GPC5: variants seen among roughly 807,000 people sequenced by gnomAD.
The protein encoded by GPC5 is glypican-5.
A neutral mutation model predicts 53.9 loss-of-function variants in GPC5; 47 were observed. The observed-to-expected ratio is 0.87, with a 90% CI of 0.69 to 1.11. The LOEUF (loss-of-function observed/expected upper bound fraction) is 1.11, where lower values mean the gene tolerates loss of function less well. Among genes scored for constraint, GPC5 ranks in the 50% most tolerant of loss-of-function variants. The probability of loss-of-function intolerance (pLI) is 0.00; values close to 1 mark genes in which losing one functional copy is unlikely to be tolerated. For synonymous variants in GPC5, 286 were observed against 263.3 expected, an observed-to-expected ratio of 1.09 and a Z score of -0.84; for missense variants, 748 against 713.1, an observed-to-expected ratio of 1.05 and a Z score of -0.56.
chr13:92,414,129 G>A (rs1876175126), intron 7 of GPC5, among the ~76,000 whole-genome samples: 1 of 152,146 alleles, frequency 6.6e-6, no homozygotes, highest in South Asian at 2.1e-4. Flanking sequence ...CAGTAATACA[G>A]ACCATCATGG....
intron 7 of GPC5, among the ~76,000 whole-genome samples, chr13:92,384,899 A>G (rs2043779634): frequency 6.6e-6 from 1 of 152,114 alleles, no homozygotes; most frequent in African/African-American, 2.4e-5. Flanking sequence ...GTGATGCCAG[A>G]ATTCTCTTAC....
chr13:91,836,104 G>T (rs1456047088), intron 5 of GPC5, among the ~76,000 whole-genome samples: 1 of 151,846 alleles, frequency 6.6e-6, no homozygotes, highest in African/African-American at 2.4e-5. Flanking sequence ...TAAGCACTAA[G>T]AAGAAATTTA....
intron 3 of GPC5, among the ~76,000 whole-genome samples, chr13:91,712,402 G>GTA (rs558385624): frequency 0.017 from 2,572 of 151,278 alleles, 59 homozygotes; most frequent in African/African-American, 0.059. Context: ...GTGTGTGTGT[G>GTA]TATATATATA....
intron 7 of GPC5, among the ~76,000 whole-genome samples, chr13:92,303,843 T>C (rs995966366): frequency 3.3e-5 from 5 of 152,242 alleles, no homozygotes; most frequent in Admixed American, 6.5e-5. Flanking sequence ...GGCTGGGTCC[T>C]GGGACCAGAA....
At position 92,257,413 on chromosome 13, in the gene GPC5, TTAA is replaced by T. The variant is rs537164636; in HGVS notation, c.1561+112426_1561+112428del. 1.3e-3 allele frequency among the ~76,000 whole-genome samples: 198 copies of T among 152,234 alleles called. 2 individuals are homozygous for T. Among genetic ancestry groups the T allele is most frequent in the African/African-American group, 4.6e-3 (192 of 41,536 alleles). On this transcript the variant is annotated intron_variant, in intron 7 of 7. Transcript: ENST00000377067. ...AAAATTTTGTTTAGAGATATTGTGA[TTAA>T]TGTTTTTACTTATATCTTAATTCAT...
Position 91,719,129 on chromosome 13 carries a change from G to A in GPC5, c.1021-9403G>A, listed in dbSNP as rs564284008. On this transcript the variant is annotated intron_variant, in intron 3 of 7. Coordinates refer to ENST00000377067, the MANE Select transcript of GPC5 (RefSeq NM_004466.6). ...TCACAGCTGCATGTGAATCAAGTAT[G>A]TCTATTTTGCAAATGTCAAAGGATG... Among the ~76,000 whole-genome samples the A allele has an allele frequency of 3.9e-5, 6 of 152,210 alleles. No homozygotes were observed. The South Asian group carries it at 8.3e-4, about 21-fold the overall frequency.
chr13:92,336,961 C>T (rs1028062419), intron 7 of GPC5, among the ~76,000 whole-genome samples: 9 of 152,022 alleles, frequency 5.9e-5, no homozygotes, highest in Non-Finnish European at 1.3e-4. Context: ...ATAAAACCAA[C>T]GGATCTCATG....
chr13:92,340,956 A>C (rs905146551), intron 7 of GPC5, among the ~76,000 whole-genome samples: 39 of 152,184 alleles, frequency 2.6e-4, no homozygotes, highest in African/African-American at 8.9e-4. Flanking sequence ...CCACTAAAGC[A>C]GCAAAGGAGT....
At chr13:92,789,756 A>G (rs889882803) in intron 7 of GPC5, among the ~76,000 whole-genome samples, 35 of 152,158 alleles carry the variant, frequency 2.3e-4, no homozygotes, top group African/African-American at 8.0e-4. Flanking sequence ...CTAGAGGCAC[A>G]GAACTAATAG....
intron 7 of GPC5, among the ~76,000 whole-genome samples, chr13:92,150,421 G>A (rs1288482733): frequency 6.6e-6 from 1 of 151,862 alleles, no homozygotes; most frequent in Non-Finnish European, 1.5e-5. Context: ...ATATGTCTAA[G>A]ATAAACATAG....
At chr13:92,423,168 T>G (rs1876658717) in intron 7 of GPC5, among the ~76,000 whole-genome samples, 1 of 152,168 alleles carries the variant, frequency 6.6e-6, no homozygotes, top group African/African-American at 2.4e-5. Flanking sequence ...ATAAGGGGTG[T>G]GCTTCATGAT....
intron 7 of GPC5, among the ~76,000 whole-genome samples, chr13:92,630,828 A>AAGGACTGACATATCTTATATATATAT (rs1350385254): frequency 7.2e-5 from 11 of 152,108 alleles, no homozygotes; most frequent in African/African-American, 2.4e-4. Context: ...GTCCTTATAT[A>AAGGACTGACATATCTTATATATATAT]CTTATCCATC....
rs547772695 is a variant in GPC5, at chr13:92,057,096, A to G, written c.1402-87734A>G. On this transcript the variant is annotated intron_variant, in intron 6 of 7. Transcript: ENST00000377067. ...GGCTTTATGACTGGCTTTTTCAAAT[A>G]AAATGGAGTGCAATAGAAATGATGC... Among the ~76,000 whole-genome samples, 3 of 152,278 alleles carry G rather than the reference A, an allele frequency of 2.0e-5. No individual in the cohort carries two copies. The South Asian group carries it at 6.2e-4, about 32-fold the overall frequency.
intron 5 of GPC5, among the ~76,000 whole-genome samples, chr13:91,772,464 G>T (rs1317860859): frequency 6.6e-6 from 1 of 151,972 alleles, no homozygotes; most frequent in East Asian, 1.9e-4. Flanking sequence ...ATACATTTGG[G>T]CTCATTTTGA....
chr13:92,191,524 C>T (rs956710945), intron 7 of GPC5, among the ~76,000 whole-genome samples: 2 of 152,088 alleles, frequency 1.3e-5, no homozygotes, highest in East Asian at 1.9e-4. Context: ...TTGCACTACC[C>T]AAATGAATTA....
At chr13:92,711,050 C>T (rs962370880) in intron 7 of GPC5, among the ~76,000 whole-genome samples, 7 of 152,184 alleles carry the variant, frequency 4.6e-5, no homozygotes, top group Middle Eastern at 3.4e-3. Context: ...GTGCACTATT[C>T]GTACAGTCCC....
At chr13:92,711,778 A>G (rs1365983630) in intron 7 of GPC5, among the ~76,000 whole-genome samples, 3 of 152,122 alleles carry the variant, frequency 2.0e-5, no homozygotes, top group African/African-American at 7.2e-5. Flanking sequence ...TCAATAGCAG[A>G]AAGAGTAAAT....
intron 7 of GPC5, among the ~76,000 whole-genome samples, chr13:92,393,083 T>C (rs1875087152): frequency 6.6e-6 from 1 of 152,126 alleles, no homozygotes; most frequent in South Asian, 2.1e-4. Flanking sequence ...CATTCCATCA[T>C]AAAGACACAT....
intron 7 of GPC5, among the ~76,000 whole-genome samples, chr13:92,677,830 C>A (rs1886997086): frequency 6.6e-6 from 1 of 152,180 alleles, no homozygotes; most frequent in Admixed American, 6.6e-5. Flanking sequence ...TGGCACTCCA[C>A]AATGAGAACA....
Sources: allele counts gnomAD v4.1 joint callset (sites outside exome capture counted in the v4.1 genomes callset), GRCh38; gene constraint gnomAD v4.1.1; transcripts MANE v1.5; gene names NCBI Gene and HGNC (gene_info 2026-07-23, HGNC 2026-07-21).